The following CTNNA3 variants were observed in gnomAD, a reference collection of about 807,000 sequenced individuals.
The protein encoded by CTNNA3 is catenin alpha-3.
A neutral mutation model predicts 95.7 loss-of-function variants in CTNNA3; 76 were observed. The ratio of observed to expected loss-of-function variants is 0.79; its 90% CI spans 0.66 to 0.96. The LOEUF (loss-of-function observed/expected upper bound fraction) is 0.96, where lower values mean the gene tolerates loss of function less well. Among genes scored for constraint, CTNNA3 ranks in the 40% least tolerant of loss-of-function variants. CTNNA3 has a pLI of 0.00. For missense variants in CTNNA3, 1,191 were observed against 1,089.8 expected, an observed-to-expected ratio of 1.09 and a Z score of -1.31; for synonymous variants, 431 against 374.4, an observed-to-expected ratio of 1.15 and a Z score of -1.74.
chr10:67,615,510 T>C (rs904029051), intron 2 of CTNNA3, among the ~76,000 whole-genome samples: 4 of 152,126 alleles, frequency 2.6e-5, no homozygotes, highest in Admixed American at 2.0e-4. Flanking sequence ...AACAAACGAG[T>C]TTGGACTTTA....
intron 7 of CTNNA3, among the ~76,000 whole-genome samples, chr10:66,823,522 A>T (rs1842375258): frequency 6.6e-6 from 1 of 152,202 alleles, no homozygotes. Flanking sequence ...GCAGGGAGAC[A>T]CTGAGCATAG....
intron 1 of CTNNA3, among the ~76,000 whole-genome samples, chr10:67,701,839 TAA>T (rs1405519469): frequency 6.6e-6 from 1 of 151,896 alleles, no homozygotes. Flanking sequence ...GCAAATTGGA[TAA>T]AGAGTCAAGA....
intron 9 of CTNNA3, among the ~76,000 whole-genome samples, chr10:66,764,217 C>T (rs1366032887): frequency 1.3e-5 from 2 of 152,024 alleles, no homozygotes; most frequent in Non-Finnish European, 1.5e-5. Flanking sequence ...TTCATAATTC[C>T]AAAAGATTTT....
intron 5 of CTNNA3, among the ~76,000 whole-genome samples, chr10:67,431,295 C>T (rs1198998546): frequency 1.3e-5 from 2 of 151,984 alleles, no homozygotes; most frequent in Non-Finnish European, 2.9e-5. Flanking sequence ...GAAAACAATT[C>T]CCTTTGCAGT....
intron 5 of CTNNA3, among the ~76,000 whole-genome samples, chr10:67,324,667 A>T (rs928159339): frequency 6.6e-6 from 1 of 150,908 alleles, no homozygotes; most frequent in Non-Finnish European, 1.5e-5. Context: ...TTTTGCATCA[A>T]TGTTCTTCAA....
chr10:66,709,376 G>A (rs977805580), intron 9 of CTNNA3, among the ~76,000 whole-genome samples: 8 of 152,010 alleles, frequency 5.3e-5, no homozygotes, highest in Non-Finnish European at 1.0e-4. Context: ...ACTTGCATGG[G>A]TGAATGACTA....
intron 9 of CTNNA3, among the ~76,000 whole-genome samples, chr10:66,696,525 T>C (rs1270351975): frequency 6.6e-6 from 1 of 152,196 alleles, no homozygotes; most frequent in African/African-American, 2.4e-5. Flanking sequence ...TATTCCCTGC[T>C]ATGATCCCAT....
intron 11 of CTNNA3, among the ~76,000 whole-genome samples, chr10:66,448,614 G>A (rs535228678): frequency 1.3e-5 from 2 of 151,788 alleles, no homozygotes; most frequent in African/African-American, 4.8e-5. Context: ...ACTCATAGGT[G>A]GGAATTGAAC....
rs116980604 is a variant in CTNNA3, at chr10:67,500,696, T to G, written c.579+21146A>C. Reference sequence around the variant, plus strand: ...CATTATGTAATACCTTTATTTGTCTTTTTTTATCTTTGTTGGTTTAAAGTC... The same window carrying G: ...CATTATGTAATACCTTTATTTGTCTGTTTTTATCTTTGTTGGTTTAAAGTC... On this transcript the variant is annotated intron_variant, in intron 5 of 17. Coordinates refer to ENST00000433211, the MANE Select transcript of CTNNA3 (RefSeq NM_013266.4). Among the ~76,000 whole-genome samples, 4,427 of 152,320 alleles carry G rather than the reference T, an allele frequency of 0.029. 412 individuals carry two copies. In the East Asian group the frequency reaches 0.34, roughly 12 times the overall value.
At chr10:66,658,321 T>C (rs73312662) in intron 9 of CTNNA3, among the ~76,000 whole-genome samples, 5,647 of 152,140 alleles carry the variant, frequency 0.037, 348 homozygotes, top group African/African-American at 0.13. Flanking sequence ...TAAAATCCTT[T>C]CCAGCTCTAA....
chr10:66,137,397 A>T (rs1219731342), intron 13 of CTNNA3, among the ~76,000 whole-genome samples: 1 of 152,174 alleles, frequency 6.6e-6, no homozygotes, highest in East Asian at 1.9e-4. Context: ...ATGTAAAAAA[A>T]CAAAGTAGGA....
intron 12 of CTNNA3, among the ~76,000 whole-genome samples, chr10:66,345,249 T>G (rs1275238970): frequency 6.6e-6 from 1 of 152,124 alleles, no homozygotes; most frequent in East Asian, 1.9e-4. Context: ...GAATGTAGTT[T>G]ATAGCAAATT....
intron 1 of CTNNA3, among the ~76,000 whole-genome samples, chr10:67,694,831 C>T (rs1024311015): frequency 1.3e-5 from 2 of 152,022 alleles, no homozygotes; most frequent in East Asian, 3.8e-4. Flanking sequence ...AAAATTCCTA[C>T]GATGAACATT....
In CTNNA3 at chr10:67,683,391, T is replaced by C. The variant is rs1048977106; in HGVS notation, c.-6+12609A>G. Among the ~76,000 whole-genome samples, 13 of 152,350 alleles carry C rather than the reference T, an allele frequency of 8.5e-5. No individual in the cohort carries two copies. The East Asian group carries it at 2.5e-3, about 29-fold the overall frequency. On this transcript the variant is annotated intron_variant, in intron 1 of 17. Coordinates refer to ENST00000433211, the MANE Select transcript of CTNNA3 (RefSeq NM_013266.4). ...GTATTTATCTCCAGACTAAGAACTA[T>C]GTCTGGCACACAAGTCATATAGAAT...
At chr10:66,918,750 T>A (rs920622347) in intron 7 of CTNNA3, among the ~76,000 whole-genome samples, 1 of 152,196 alleles carries the variant, frequency 6.6e-6, no homozygotes, top group African/African-American at 2.4e-5. Flanking sequence ...GGTATAATAA[T>A]GCTAGATGGT....
At chr10:67,029,397 A>G (rs192010863) in intron 7 of CTNNA3, among the ~76,000 whole-genome samples, 2 of 152,228 alleles carry the variant, frequency 1.3e-5, no homozygotes, top group East Asian at 1.9e-4. Flanking sequence ...AATGGGGAAG[A>G]CCTATAAAGA....
At chr10:66,452,866 C>A (rs2093473391) in intron 11 of CTNNA3, among the ~76,000 whole-genome samples, 1 of 151,974 alleles carries the variant, frequency 6.6e-6, no homozygotes, top group South Asian at 2.1e-4. Context: ...ATCCCTGACC[C>A]AACTAATCAG....
chr10:67,630,573 T>C (rs953893149), intron 2 of CTNNA3, among the ~76,000 whole-genome samples: 5 of 152,132 alleles, frequency 3.3e-5, no homozygotes, highest in African/African-American at 1.2e-4. Flanking sequence ...TGCTGACTAA[T>C]ACAGGGGCTG....
intron 17 of CTNNA3, among the ~76,000 whole-genome samples, chr10:65,930,948 C>T (rs190089662): frequency 6.6e-4 from 100 of 152,228 alleles, no homozygotes; most frequent in Non-Finnish European, 3.5e-4. Context: ...AGTATATATA[C>T]TGTACATGTT....
Sources: allele counts gnomAD v4.1 joint callset (sites outside exome capture counted in the v4.1 genomes callset), GRCh38; gene constraint gnomAD v4.1.1; transcripts MANE v1.5; gene names NCBI Gene and HGNC (gene_info 2026-07-23, HGNC 2026-07-21).